XKRX: variants seen among roughly 807,000 people sequenced by gnomAD.
XKRX encodes the protein XK-related protein 2.
XKRX carries 11 observed loss-of-function variants against 22.4 expected under a neutral mutation model. The observed-to-expected ratio is 0.49, with a 90% CI of 0.31 to 0.81. XKRX has a LOEUF of 0.81. Ranked by LOEUF, XKRX falls within the 40% of genes least tolerant of loss-of-function variation. The probability of loss-of-function intolerance (pLI) is 0.05; values close to 1 mark genes in which losing one functional copy is unlikely to be tolerated. For missense variants in XKRX, 320 were observed against 336.5 expected (o/e 0.95, Z 0.38); for synonymous variants, 114 against 132.2 (o/e 0.86, Z 0.94).
chrX:100,957,712 A>G, the XKRX span, among the ~76,000 whole-genome samples: 1 of 112,772 alleles, frequency 8.9e-6, no homozygotes. Flanking sequence ...GTTTCAACAC[A>G]AAGTCTCTGT....
At chrX:100,889,141 G>A in the XKRX span, among the ~76,000 whole-genome samples, 1 of 107,204 alleles carries the variant, frequency 9.3e-6, no homozygotes, top group Non-Finnish European at 1.9e-5. Flanking sequence ...TAGGAAGGCT[G>A]AGACACAGGA....
downstream of XKRX, among the ~76,000 whole-genome samples, chrX:100,912,521 T>A (rs2085410515): frequency 8.9e-6 from 1 of 112,184 alleles, no homozygotes; most frequent in South Asian, 3.7e-4. Context: ...TGACATTGGA[T>A]AAGAGGAGAG....
At chrX:100,902,694 T>C in the XKRX span, among the ~76,000 whole-genome samples, 1 of 110,851 alleles carries the variant, frequency 9.0e-6, no homozygotes, top group Non-Finnish European at 1.9e-5. Flanking sequence ...CATCCATGCA[T>C]GATAAAAATG....
At position 100,922,963 on chromosome X, in the gene XKRX, C is replaced by T. The variant is rs1233726229; in HGVS notation, c.434G>A (p.Gly145Asp). Residue 145 changes from glycine to aspartate, a missense_variant, in exon 2 of 3, where the codon GGC becomes GAC. Gly to Asp is a moderately conservative substitution (Grantham distance 94). Coordinates refer to ENST00000372956, the MANE Select transcript of XKRX (RefSeq NM_212559.3). ...CTCCCATTCTATCAGCACCTCCTCG[C>T]CATCTATTAGCATCTTCTTTCGGGT... ...SLTRKKMLID[G>D]EEVLIEWEVG... is the part of the protein sequence containing the mutation. The T allele has an allele frequency of 2.2e-5, 27 of 1,209,856 alleles. No individual in the cohort carries two copies. Among genetic ancestry groups the T allele is most frequent in the Non-Finnish European group, 2.7e-5 (24 of 895,204 alleles).
upstream of XKRX, among the ~76,000 whole-genome samples, chrX:100,933,478 TAAAAAAAAAA>T (rs368739515): frequency 1.8e-4 from 9 of 50,517 alleles, no homozygotes; most frequent in African/African-American, 4.5e-4. Context: ...AGATTCCGTC[TAAAAAAAAAA>T]AAAAAAAAAA....
chrX:100,896,889 C>T, the XKRX span, among the ~76,000 whole-genome samples: 2 of 111,174 alleles, frequency 1.8e-5, no homozygotes, highest in Non-Finnish European at 3.8e-5. Flanking sequence ...AAGAATCAAT[C>T]CCAAAAAACT....
At chrX:100,897,312 C>T in the XKRX span, among the ~76,000 whole-genome samples, 1 of 110,125 alleles carries the variant, frequency 9.1e-6, no homozygotes, top group Non-Finnish European at 1.9e-5. Context: ...CGGCCAAATG[C>T]GGTGGCTCAC....
the XKRX span, among the ~76,000 whole-genome samples, chrX:100,938,700 C>T: frequency 9.0e-6 from 1 of 111,663 alleles, no homozygotes; most frequent in Non-Finnish European, 1.9e-5. Context: ...TCTTGGGTTT[C>T]TCTGGAATCT....
Position 100,914,432 on chromosome X carries a change from T to G in XKRX, c.1256A>C (p.Tyr419Ser), listed in dbSNP as rs766865359. The G allele has an allele frequency of 8.3e-7, 1 of 1,209,165 alleles. No homozygotes were observed. The highest frequency in any genetic ancestry group is 1.8e-5 in the African/African-American group (1 of 57,102). Residue 419 changes from tyrosine to serine, a missense_variant, in exon 3 of 3, where the codon TAC becomes TCC. Physicochemically the swap from Tyr to Ser is moderately radical, Grantham distance 144. Coordinates refer to ENST00000372956, the MANE Select transcript of XKRX (RefSeq NM_212559.3). ...CTGGTGACAGCAGACACAATGGAGG[T>G]AGTCTACTACATTATGGGTGAAGAG... is the stretch of plus-strand genomic sequence containing the variant. ...RSLFTHNVVD[Y>S]LHCVCCHQHP...
At chrX:100,903,855 A>G in the XKRX span, among the ~76,000 whole-genome samples, 19 of 112,319 alleles carry the variant, frequency 1.7e-4, no homozygotes, top group Non-Finnish European at 2.6e-4. Flanking sequence ...ATAAATGAAG[A>G]AATAGTCCAT....
At chrX:100,945,096 A>T in the XKRX span, among the ~76,000 whole-genome samples, 1 of 107,409 alleles carries the variant, frequency 9.3e-6, no homozygotes, top group Non-Finnish European at 1.9e-5. Context: ...TTTTTTTTTT[A>T]AGACAAGTTC....
chrX:100,927,479 A>C (rs1053965787), intron 1 of XKRX, among the ~76,000 whole-genome samples: 1 of 109,912 alleles, frequency 9.1e-6, no homozygotes, highest in Non-Finnish European at 1.9e-5. Context: ...GCCTATAAAA[A>C]TTTTTTTTTA....
At chrX:100,904,700 C>T in the XKRX span, among the ~76,000 whole-genome samples, 1 of 111,756 alleles carries the variant, frequency 8.9e-6, no homozygotes. Flanking sequence ...GCTTGTCCAG[C>T]AGGTGTTGAT....
Position 100,923,019 on chromosome X carries a change from T to C in XKRX, c.378A>G (p.Lys126=). The change falls in exon 2 of 3, where the codon AAA becomes AAG. Residue 126 remains lysine (K), a synonymous_variant. Transcript: ENST00000372956. ...AMIKYLTLWK[K]EEQEEPYVSL... ...TGACATAGGGCTCCTCCTGCTCCTC[T>C]TTCTTCCACAGTGTGAGGTACTTAA... 3 of 1,211,934 alleles carry C rather than the reference T, an allele frequency of 2.5e-6. No homozygotes were observed. Among genetic ancestry groups the C allele is most frequent in the Admixed American group, 4.3e-5 (2 of 46,044 alleles).
Position 100,928,911 on chromosome X carries a change from A to T in XKRX, c.-607T>A. The T allele has an allele frequency of 1.4e-6, 1 of 704,426 alleles. No individual in the cohort carries two copies. The highest frequency in any genetic ancestry group is 7.3e-5 in the South Asian group (1 of 13,644). 58.1% of individuals were successfully genotyped at this position (704,426 alleles called of 1,213,427 possible). ...GCCCGCTCACCTGCGCGCTCTCAGG[A>T]CCTTTGCCGAGTCCAGGGTTCTCAG... is the stretch of plus-strand genomic sequence containing the variant. On this transcript the variant is annotated 5_prime_UTR_variant, in exon 1 of 3. Coordinates refer to ENST00000372956, the MANE Select transcript of XKRX (RefSeq NM_212559.3).
the XKRX span, among the ~76,000 whole-genome samples, chrX:100,949,249 T>C: frequency 1.9e-4 from 21 of 111,391 alleles, no homozygotes; most frequent in Non-Finnish European, 3.6e-4. Flanking sequence ...CTTTTGCCAG[T>C]GTCAGCAGGG....
rs777069171 is a variant in XKRX at position 100,925,275 on chromosome X, T to G, written c.336-2214A>C. On this transcript the variant is annotated intron_variant, in intron 1 of 2. Coordinates refer to ENST00000372956, the MANE Select transcript of XKRX (RefSeq NM_212559.3). ...TTGTCCATTTATAAGCTTCAATAAATTAGAGTACATTTTCATTTCGGAAGT... is the reference window on the plus strand; with the variant it reads ...TTGTCCATTTATAAGCTTCAATAAAGTAGAGTACATTTTCATTTCGGAAGT... Among the ~76,000 whole-genome samples the G allele has an allele frequency of 5.4e-5, 6 of 112,056 alleles. No individual in the cohort carries two copies. In the East Asian group the frequency reaches 1.7e-3, roughly 31 times the overall value.
At chrX:100,912,172 A>G (rs1238891143), downstream of XKRX, among the ~76,000 whole-genome samples, 1 of 111,887 alleles carries the variant, frequency 8.9e-6, no homozygotes, top group Non-Finnish European at 1.9e-5. Flanking sequence ...TCTTGCTTGA[A>G]TTCCAAAGAA....
At chrX:100,918,946 T>G (rs1455713160) in intron 2 of XKRX, among the ~76,000 whole-genome samples, 1 of 111,423 alleles carries the variant, frequency 9.0e-6, no homozygotes, top group Non-Finnish European at 1.9e-5. Flanking sequence ...ATTTTAAAAC[T>G]GATAGAACAT....
Sources: gnomAD v4.1 joint callset for allele counts (sites outside exome capture counted in the v4.1 genomes callset) on GRCh38, gnomAD v4.1.1 for gene constraint, MANE v1.5 for transcripts, NCBI Gene and HGNC (gene_info 2026-07-23, HGNC 2026-07-21) for gene names.